Variants in CSF2RB observed in about 807,000 individuals in gnomAD.
CSF2RB encodes the protein cytokine receptor common subunit beta.
In CSF2RB, 22 loss-of-function variants were observed where a neutral mutation model predicts 67.2. The observed-to-expected ratio is 0.33, with a 90% CI of 0.23 to 0.47. The LOEUF is 0.47. Ranked by LOEUF, CSF2RB falls within the 20% of genes least tolerant of loss-of-function variation. CSF2RB has a pLI of 1.00. For synonymous variants in CSF2RB, 507 were observed against 482.9 expected, an observed-to-expected ratio of 1.05 and a Z score of -0.65; for missense variants, 1,113 against 1,174.5, an observed-to-expected ratio of 0.95 and a Z score of 0.76.
In CSF2RB at chr22:36,938,965, C is replaced by T; in HGVS notation, c.*463C>T. The T allele has an allele frequency of 1.7e-6, 1 of 604,050 alleles. No individual in the cohort carries two copies. Among genetic ancestry groups the T allele is most frequent in the Non-Finnish European group, 3.0e-6 (1 of 337,926 alleles). 37.4% of individuals were successfully genotyped at this position (604,050 alleles called of 1,614,324 possible). A position where few individuals can be genotyped will look rare whatever the true frequency, so the allele number is the denominator to read the frequency against. ...TGCCTGTCCCCGGCAGTCGCTGATG[C>T]ACATGACATGATTCTCATCTGGGTG... On this transcript the variant is annotated 3_prime_UTR_variant, in exon 14 of 14. Transcript: ENST00000403662.
In CSF2RB at chr22:36,937,210, C is replaced by T. The variant is rs1941284841; in HGVS notation, c.1569-167C>T. Among the ~76,000 whole-genome samples, 1 of 152,126 alleles carries T rather than the reference C, an allele frequency of 6.6e-6. No individual in the cohort carries two copies. On this transcript the variant is annotated intron_variant, in intron 13 of 13. Transcript: ENST00000403662. This position sits in a 1 kb window ranked among gnomAD's most constrained non-coding sequence, Gnocchi z 4.6. ...CTGAATCCATGTCCCATGTCCTTCT[C>T]TGGGGCCCCTGCTCCCTCAACCCTG...
chr22:36,933,913 G>T lies in CSF2RB; in HGVS notation c.1234G>T (p.Val412Leu). 3 of 1,612,218 alleles carry T rather than the reference G, an allele frequency of 1.9e-6. No homozygotes were observed. The highest frequency in any genetic ancestry group is 2.5e-6 in the Non-Finnish European group (3 of 1,179,968). Residue 412 changes from valine (V) to leucine (L), a missense_variant, in exon 10 of 14, where the codon GTG becomes TTG. Coordinates refer to ENST00000403662, the MANE Select transcript of CSF2RB (RefSeq NM_000395.3). Reference sequence around the variant, plus strand: ...GCCCTCCACCAGGTACTGGGCCAGGGTGAGGGTCAGGACCTCCCGCACCGG... The same window carrying T: ...GCCCTCCACCAGGTACTGGGCCAGGTTGAGGGTCAGGACCTCCCGCACCGG... ...LEPSTRYWAR[V>L]RVRTSRTGYN... is the part of the protein sequence containing the mutation.
intron 6 of CSF2RB, among the ~76,000 whole-genome samples, 180 bp downstream of exon 6, chr22:36,929,987 G>A (rs567532480): frequency 6.6e-6 from 1 of 152,338 alleles, no homozygotes; most frequent in African/African-American, 2.4e-5. Context: ...GTAGGACTCT[G>A]CATCTGTTCA....
intron 4 of CSF2RB, among the ~76,000 whole-genome samples, chr22:36,928,393 C>T (rs1213122156): frequency 6.6e-6 from 1 of 152,078 alleles, no homozygotes; most frequent in East Asian, 1.9e-4. Flanking sequence ...AGTGCAGTGA[C>T]CCATGAGGGA....
chr22:36,920,894 T>A (rs908884734), intron 1 of CSF2RB, among the ~76,000 whole-genome samples: 1 of 152,200 alleles, frequency 6.6e-6, no homozygotes, highest in African/African-American at 2.4e-5. Flanking sequence ...TTTTTTAAAT[T>A]TAATATTTCA....
chr22:36,926,301 G>T (rs1256351745), intron 4 of CSF2RB, 124 bp downstream of exon 4: 3 of 949,252 alleles, frequency 3.2e-6, no homozygotes, highest in Middle Eastern at 3.2e-4. Flanking sequence ...GGTTTCTTGA[G>T]GGATGAGGGT....
rs191697394 is a variant in CSF2RB at position 36,936,353 on chromosome 22, G to A, written c.1465-196G>A. On this transcript the variant is annotated intron_variant, in intron 12 of 13. Coordinates refer to ENST00000403662, the MANE Select transcript of CSF2RB (RefSeq NM_000395.3). ...AAAGGGCCCTGTCCTCAGGTAGCAG[G>A]GACATGGGGGAAGTCCCCGCCCCTC... is the stretch of plus-strand genomic sequence containing the variant. 1.6e-4 allele frequency among the ~76,000 whole-genome samples: 25 copies of A among 152,230 alleles called. No individual in the cohort carries two copies. In the East Asian group the frequency reaches 3.7e-3, roughly 22 times the overall value.
At chr22:36,926,657 G>A (rs1437426675) in intron 4 of CSF2RB, among the ~76,000 whole-genome samples, 18 of 152,202 alleles carry the variant, frequency 1.2e-4, no homozygotes, top group Admixed American at 1.0e-3. Context: ...TTGTCTCCTC[G>A]CTGCCCTGGA....
At chr22:36,914,741 T>TA (rs1337200776) in intron 1 of CSF2RB, among the ~76,000 whole-genome samples, 2 of 152,234 alleles carry the variant, frequency 1.3e-5, no homozygotes, top group African/African-American at 2.4e-5. Context: ...TCCTGCTTTG[T>TA]AATCATTTTA....
intron 1 of CSF2RB, among the ~76,000 whole-genome samples, chr22:36,918,617 G>A (rs1430345976): frequency 1.3e-5 from 2 of 152,182 alleles, no homozygotes; most frequent in African/African-American, 4.8e-5. Context: ...ATTTTAAAAA[G>A]GAGTCTTGTT....
chr22:36,924,614 C>T (rs1940966391), intron 3 of CSF2RB, among the ~76,000 whole-genome samples: 1 of 152,170 alleles, frequency 6.6e-6, no homozygotes, highest in South Asian at 2.1e-4. Context: ...CCTCCTGGGC[C>T]CACTCCCCTA....
chr22:36,915,833 G>A (rs1280411080), intron 1 of CSF2RB, among the ~76,000 whole-genome samples: 1 of 152,132 alleles, frequency 6.6e-6, no homozygotes, highest in Non-Finnish European at 1.5e-5. Context: ...AATTCTCAAT[G>A]TCGCGTGATT....
rs1031871469 is a variant in CSF2RB at position 36,917,693 on chromosome 22, G to T, written c.-173+4016G>T. Among the ~76,000 whole-genome samples the T allele has an allele frequency of 4.6e-5, 7 of 152,274 alleles. 1 individual carries two copies. Among genetic ancestry groups the T allele is most frequent in the South Asian group, 2.1e-4 (1 of 4,818 alleles). ...AATCCCAGCACTTTGGGAGGCCAAG[G>T]TGGGCAGATCACTTGAGGCCAGGAG... On this transcript the variant is annotated intron_variant, in intron 1 of 13. Coordinates refer to ENST00000403662, the MANE Select transcript of CSF2RB (RefSeq NM_000395.3).
chr22:36,925,850 G>C, intron 3 of CSF2RB, 137 bp from the exon 4 acceptor site: 2 of 939,532 alleles, frequency 2.1e-6, no homozygotes, highest in Non-Finnish European at 3.3e-6. Flanking sequence ...CAGCTCCGTG[G>C]GCAGGATTTT....
chr22:36,938,167 C>A lies in CSF2RB; in HGVS notation c.2359C>A (p.Pro787Thr), dbSNP rs745934719. The change falls in exon 14 of 14, where the codon CCT becomes ACT. Residue 787 changes from proline (P) to threonine (T), a missense_variant. By Grantham distance (38) the Pro-to-Thr change is conservative. This residue lies in a region of CSF2RB where 554 missense variants were observed against 517.9 expected (regional missense o/e 1.07). Transcript: ENST00000403662. ...GTCACCAAGGAACAATCCTGTCCCC[C>A]CTGAGGCCAAAAGCCCTGTCCTGAA... is the stretch of plus-strand genomic sequence containing the variant. ...PRSPRNNPVP[P>T]EAKSPVLNPG... The A allele has an allele frequency of 3.7e-6, 6 of 1,614,128 alleles. No individual in the cohort carries two copies. The highest frequency in any genetic ancestry group is 3.3e-5 in the Admixed American group (2 of 60,024).
chr22:36,929,877 C>T, intron 6 of CSF2RB, 70 bp downstream of exon 6: 1 of 1,553,458 alleles, frequency 6.4e-7, no homozygotes, highest in Non-Finnish European at 8.7e-7. Flanking sequence ...CCTGGCACAG[C>T]AGGGTTCCTG....
In CSF2RB at chr22:36,930,438, C is replaced by T; in HGVS notation, c.782C>T (p.Ser261Phe). 1 of 1,613,800 alleles carries T rather than the reference C, an allele frequency of 6.2e-7. No individual in the cohort carries two copies. Among genetic ancestry groups the T allele is most frequent in the Non-Finnish European group, 8.5e-7 (1 of 1,180,014 alleles). Reference sequence around the variant, plus strand: ...GACGGGGCCGCCGTGCTCAGCTGCTCCTGGGAGGTGAGGAAGGAGGTGGCC... The same window carrying T: ...GACGGGGCCGCCGTGCTCAGCTGCTTCTGGGAGGTGAGGAAGGAGGTGGCC... Reference protein sequence around the residue: ...FFDGAAVLSCSWEVRKEVASS... With the variant: ...FFDGAAVLSCFWEVRKEVASS... Residue 261 changes from serine to phenylalanine, a missense_variant, in exon 7 of 14, where the codon TCC (serine) becomes TTC (phenylalanine). Ser to Phe is a radical substitution (Grantham distance 155). Coordinates refer to ENST00000403662, the MANE Select transcript of CSF2RB (RefSeq NM_000395.3).
At position 36,929,472 on chromosome 22, in the gene CSF2RB, G is replaced by A; in HGVS notation, c.462G>A (p.Val154=). The A allele has an allele frequency of 6.2e-7, 1 of 1,614,208 alleles. No homozygotes were observed. Among genetic ancestry groups the A allele is most frequent in the Non-Finnish European group, 8.5e-7 (1 of 1,180,032 alleles). The part of the protein sequence containing the change: ...DQDHFLLTWS[V]ALGSPQSHWL... ...ACCACTTCCTGCTGACCTGGAGTGTGGCCCTTGGGAGTCCCCAGAGCCACT... is the reference window on the plus strand; with the variant it reads ...ACCACTTCCTGCTGACCTGGAGTGTAGCCCTTGGGAGTCCCCAGAGCCACT... The change falls in exon 5 of 14, where the codon GTG becomes GTA. Residue 154 remains valine (V), a synonymous_variant. Coordinates refer to ENST00000403662, the MANE Select transcript of CSF2RB (RefSeq NM_000395.3).
chr22:36,919,406 TG>T lies in CSF2RB; in HGVS notation c.-172-2629del, dbSNP rs549785747. On this transcript the variant is annotated intron_variant, in intron 1 of 13. Transcript: ENST00000403662. ...GGTTTGGCCCACTATTGATTGTTGT[TG>T]TTTTTTTGTTTGTTTGTTTTTTTGA... Among the ~76,000 whole-genome samples the T allele has an allele frequency of 7.0e-4, 107 of 152,244 alleles. 1 individual carries two copies. The highest frequency in any genetic ancestry group is 1.2e-3 in the Non-Finnish European group (83 of 68,000).
Sources: allele counts gnomAD v4.1 joint callset (sites outside exome capture counted in the v4.1 genomes callset), GRCh38; gene constraint gnomAD v4.1.1; regional missense constraint gnomAD v4.1.1; non-coding constraint Gnocchi (gnomAD v3.1); transcripts MANE v1.5; gene names NCBI Gene and HGNC (gene_info 2026-07-23, HGNC 2026-07-21).